Variants in SBF2 observed in about 807,000 individuals in gnomAD.
SBF2 encodes myotubularin-related protein 13.
SBF2 carries 112 observed loss-of-function variants against 225.2 expected under a neutral mutation model. The observed-to-expected ratio is 0.50, with a 90% CI of 0.43 to 0.58. The LOEUF (loss-of-function observed/expected upper bound fraction) is 0.58, where lower values mean the gene tolerates loss of function less well. Ranked by LOEUF, SBF2 falls within the 20% of genes least tolerant of loss-of-function variation. SBF2 has a pLI of 0.00. For synonymous variants in SBF2, 763 were observed against 773.3 expected, an observed-to-expected ratio of 0.99 and a Z score of 0.22; for missense variants, 1,996 against 2,206.2, an observed-to-expected ratio of 0.90 and a Z score of 1.91.
intron 28 of SBF2, among the ~76,000 whole-genome samples, chr11:9,817,572 GATTAT>G (rs71453932): frequency 0.29 from 44,458 of 151,428 alleles, 7,382 homozygotes; most frequent in African/African-American, 0.46. Context: ...TTCTAAACAA[GATTAT>G]ATTATATTTT....
chr11:9,897,441 G>GA (rs1042825546), intron 16 of SBF2, among the ~76,000 whole-genome samples: 1 of 151,962 alleles, frequency 6.6e-6, no homozygotes, highest in African/African-American at 2.4e-5. Flanking sequence ...TTTAACTCCT[G>GA]ACCTCAAGTG....
intron 2 of SBF2, among the ~76,000 whole-genome samples, chr11:10,071,379 G>T (rs1231471126): frequency 1.4e-5 from 2 of 147,700 alleles, no homozygotes; most frequent in Non-Finnish European, 3.0e-5. Context: ...CCATTCTCCT[G>T]CTTCAGCCTC....
At chr11:9,810,124 A>G (rs1480566631) in intron 30 of SBF2, 1 of 152,076 alleles carries the variant, frequency 6.6e-6, no homozygotes, top group African/African-American at 2.4e-5. Flanking sequence ...AAACATACAA[A>G]AACCAGCCAG....
chr11:9,911,367 GA>G (rs577362701), intron 16 of SBF2, among the ~76,000 whole-genome samples: 1 of 146,152 alleles, frequency 6.8e-6, no homozygotes, highest in South Asian at 2.2e-4. Flanking sequence ...CTAGGTGACA[GA>G]GCGAGACTCT....
chr11:9,897,842 T>C (rs17270804), intron 16 of SBF2, among the ~76,000 whole-genome samples: 31,264 of 151,890 alleles, frequency 0.21, 4,129 homozygotes, highest in Non-Finnish European at 0.3. Context: ...ACAACTGGAG[T>C]CTGGATTTAT....
At chr11:9,958,669 C>G in intron 16 of SBF2, 1 of 308,256 alleles carries the variant, frequency 3.2e-6, no homozygotes, top group South Asian at 3.3e-5. Flanking sequence ...ATTAGGACAA[C>G]TGGGAGAGGG....
intron 2 of SBF2, among the ~76,000 whole-genome samples, chr11:10,159,340 A>G (rs989644266): frequency 6.6e-6 from 1 of 152,226 alleles, no homozygotes; most frequent in Non-Finnish European, 1.5e-5. Context: ...AAGATTAGAA[A>G]TTATGGTTTA....
intron 1 of SBF2, among the ~76,000 whole-genome samples, chr11:10,263,505 A>C (rs1318098085): frequency 1.3e-5 from 2 of 152,170 alleles, no homozygotes; most frequent in Non-Finnish European, 2.9e-5. Context: ...ACAATAGGTT[A>C]ATTACTAGTA....
intron 2 of SBF2, chr11:10,044,688 T>G (rs1286917153): frequency 6.5e-6 from 1 of 153,416 alleles, no homozygotes; most frequent in Non-Finnish European, 1.4e-5. Flanking sequence ...CTTCTTGTAC[T>G]TTCTCATTTT....
At chr11:9,798,278 A>G (rs1182613248) in intron 32 of SBF2, among the ~76,000 whole-genome samples, 1 of 152,008 alleles carries the variant, frequency 6.6e-6, no homozygotes, top group East Asian at 1.9e-4. Context: ...CTCAGACCTC[A>G]AGTTTCCCCC....
At chr11:9,873,825 G>C (rs930060161) in intron 17 of SBF2, among the ~76,000 whole-genome samples, 2 of 152,168 alleles carry the variant, frequency 1.3e-5, no homozygotes, top group Non-Finnish European at 2.9e-5. Context: ...GAGGCGGGTG[G>C]ATCACCTGAG....
intron 1 of SBF2, among the ~76,000 whole-genome samples, chr11:10,245,912 T>C (rs1210853876): frequency 6.6e-6 from 1 of 152,186 alleles, no homozygotes; most frequent in Non-Finnish European, 1.5e-5. Flanking sequence ...ATACCATTTA[T>C]AGGGGGAATC....
At chr11:10,001,606 G>A (rs1304823824) in intron 7 of SBF2, among the ~76,000 whole-genome samples, 1 of 151,580 alleles carries the variant, frequency 6.6e-6, no homozygotes, top group Non-Finnish European at 1.5e-5. Context: ...CTCACTGCAA[G>A]CTCCGCCTCC....
chr11:10,182,513 C>T (rs1413224768), intron 2 of SBF2, among the ~76,000 whole-genome samples: 1 of 152,084 alleles, frequency 6.6e-6, no homozygotes, highest in African/African-American at 2.4e-5. Flanking sequence ...GCAATCAAAA[C>T]TTCAAGAAAG....
intron 14 of SBF2, among the ~76,000 whole-genome samples, chr11:9,967,947 G>GTC (rs1214352340): frequency 0.012 from 1,214 of 100,202 alleles, 13 homozygotes; most frequent in African/African-American, 0.019. Context: ...CTGTCTGTCT[G>GTC]TCTCTCTCTC....
Position 10,143,174 on chromosome 11 carries a change from T to A in SBF2, c.141+50728A>T, listed in dbSNP as rs1428149103. Among the ~76,000 whole-genome samples, 5 of 151,856 alleles carry A rather than the reference T, an allele frequency of 3.3e-5. No individual in the cohort carries two copies. The East Asian group carries it at 9.7e-4, about 29-fold the overall frequency. ...TGACATTGTAGGCTCTAGTCAATTA[T>A]GATTTTTTTTTTTTGAGACAGAATT... is the stretch of plus-strand genomic sequence containing the variant. On this transcript the variant is annotated intron_variant, in intron 2 of 39. Transcript: ENST00000256190.
chr11:9,853,469 AT>A, intron 20 of SBF2, 70 bp downstream of exon 20: 1 of 1,307,894 alleles, frequency 7.6e-7, no homozygotes, highest in Middle Eastern at 1.8e-4. Flanking sequence ...GAAGACATGT[AT>A]TGCCAGGTTT....
At chr11:9,847,293 A>C (rs11042510) in intron 22 of SBF2, among the ~76,000 whole-genome samples, 1 of 151,952 alleles carries the variant, frequency 6.6e-6, no homozygotes, top group Non-Finnish European at 1.5e-5. Flanking sequence ...TAGCACAGGA[A>C]GCAGTAGAAG....
intron 20 of SBF2, among the ~76,000 whole-genome samples, 184 bp downstream of exon 20, chr11:9,853,356 G>A (rs964791984): frequency 4.6e-5 from 7 of 152,114 alleles, no homozygotes; most frequent in African/African-American, 1.4e-4. Flanking sequence ...CCACTGAATT[G>A]TACACTTAGA....
Sources: allele counts gnomAD v4.1 joint callset (sites outside exome capture counted in the v4.1 genomes callset), GRCh38; gene constraint gnomAD v4.1.1; transcripts MANE v1.5; gene names NCBI Gene and HGNC (gene_info 2026-07-23, HGNC 2026-07-21).